LHFPL6: variants seen among roughly 807,000 people sequenced by gnomAD.
LHFPL6 encodes the protein LHFPL tetraspan subfamily member 6, also known as LHFPL tetraspan subfamily member 6 protein.
Under a neutral mutation model 20.6 loss-of-function variants are expected in LHFPL6, and 9 were observed. The ratio of observed to expected loss-of-function variants is 0.44; its 90% CI spans 0.26 to 0.76. The LOEUF (loss-of-function observed/expected upper bound fraction) is 0.76. LHFPL6 is among the 30% of genes least tolerant of loss of function. The pLI is 0.20. For synonymous variants in LHFPL6, 105 were observed against 98.7 expected (o/e 1.06, Z -0.38); for missense variants, 218 against 253.5 (o/e 0.86, Z 0.95).
Position 39,565,053 on chromosome 13 carries a change from G to A in LHFPL6, c.385+35779C>T, listed in dbSNP as rs1046265209. Among the ~76,000 whole-genome samples, 62 of 152,162 alleles carry A rather than the reference G, an allele frequency of 4.1e-4. 4 individuals carry two copies. Among genetic ancestry groups the A allele is most frequent in the Non-Finnish European group, 4.4e-5 (3 of 68,030 alleles). ...TCTCTTCTACATTCCAATGCTCTAAGAATGGAAGACCGATCTCCAAAGATC... is the reference window on the plus strand; with the variant it reads ...TCTCTTCTACATTCCAATGCTCTAAAAATGGAAGACCGATCTCCAAAGATC... On this transcript the variant is annotated intron_variant, in intron 2 of 3. Coordinates refer to ENST00000379589, the MANE Select transcript of LHFPL6 (RefSeq NM_005780.3).
chr13:39,400,996 C>T (rs1246360802), intron 2 of LHFPL6, among the ~76,000 whole-genome samples: 1 of 151,798 alleles, frequency 6.6e-6, no homozygotes, highest in Non-Finnish European at 1.5e-5. Flanking sequence ...TAATTGAAAC[C>T]ATAGAGCAAG....
chr13:39,563,859 T>C (rs1871624110), intron 2 of LHFPL6, among the ~76,000 whole-genome samples: 1 of 152,292 alleles, frequency 6.6e-6, no homozygotes, highest in African/African-American at 2.4e-5. Context: ...GTATGGCACG[T>C]TCCTTTTCTT....
intron 2 of LHFPL6, among the ~76,000 whole-genome samples, chr13:39,528,531 A>G (rs1489305621): frequency 6.6e-6 from 1 of 152,210 alleles, no homozygotes; most frequent in East Asian, 1.9e-4. Flanking sequence ...CCAGCTGCTA[A>G]AATAGGCCAG....
intron 2 of LHFPL6, among the ~76,000 whole-genome samples, chr13:39,469,471 C>G (rs776093541): frequency 6.6e-6 from 1 of 152,174 alleles, no homozygotes; most frequent in African/African-American, 2.4e-5. Flanking sequence ...ATATAGGCAG[C>G]TCCCCTGATG....
rs567546687 is a variant in LHFPL6, at chr13:39,511,831, C to A, written c.385+89001G>T. Among the ~76,000 whole-genome samples the A allele has an allele frequency of 9.8e-5, 15 of 152,286 alleles. No homozygotes were observed. The South Asian group carries it at 3.1e-3, about 32-fold the overall frequency. On this transcript the variant is annotated intron_variant, in intron 2 of 3. Coordinates refer to ENST00000379589, the MANE Select transcript of LHFPL6 (RefSeq NM_005780.3). ...AGGTATCTGCTTTGTGGAGCAAAAA[C>A]AAGTACAGAGCTATCCTTGAGAAAT...
intron 2 of LHFPL6, among the ~76,000 whole-genome samples, chr13:39,450,260 C>A (rs1374337799): frequency 6.6e-6 from 1 of 152,104 alleles, no homozygotes; most frequent in Non-Finnish European, 1.5e-5. Flanking sequence ...TCAAAACTGA[C>A]TAAAGCTTAA....
intron 2 of LHFPL6, among the ~76,000 whole-genome samples, chr13:39,383,697 G>A (rs1222705058): frequency 6.6e-6 from 1 of 152,196 alleles, no homozygotes; most frequent in East Asian, 1.9e-4. Flanking sequence ...GGTAGGGCTA[G>A]AGGTCAGGAA....
At chr13:39,468,803 T>C (rs1872867983) in intron 2 of LHFPL6, among the ~76,000 whole-genome samples, 1 of 151,906 alleles carries the variant, frequency 6.6e-6, no homozygotes, top group East Asian at 1.9e-4. Context: ...GAAAACTCAA[T>C]CTTGATTTCA....
At chr13:39,562,985 G>A (rs1871590642) in intron 2 of LHFPL6, among the ~76,000 whole-genome samples, 1 of 151,840 alleles carries the variant, frequency 6.6e-6, no homozygotes, top group Non-Finnish European at 1.5e-5. Context: ...AATATTTTAT[G>A]CAGAAAGCTG....
intron 2 of LHFPL6, among the ~76,000 whole-genome samples, chr13:39,507,721 T>C (rs1173985963): frequency 2.0e-5 from 3 of 152,146 alleles, no homozygotes; most frequent in Admixed American, 6.5e-5. Context: ...GAAAAATAGT[T>C]TTACCTACAG....
chr13:39,397,466 TC>T (rs1340299517), intron 2 of LHFPL6, among the ~76,000 whole-genome samples: 1 of 152,246 alleles, frequency 6.6e-6, no homozygotes, highest in Non-Finnish European at 1.5e-5. Context: ...AGCTGCATGA[TC>T]ATAATTTATA....
intron 2 of LHFPL6, among the ~76,000 whole-genome samples, chr13:39,460,127 C>A (rs1872656621): frequency 6.6e-6 from 1 of 152,100 alleles, no homozygotes; most frequent in Non-Finnish European, 1.5e-5. Flanking sequence ...TTGATCTCTG[C>A]AAATTAGCAA....
At chr13:39,538,287 G>A (rs1172557908) in intron 2 of LHFPL6, among the ~76,000 whole-genome samples, 1 of 151,504 alleles carries the variant, frequency 6.6e-6, no homozygotes, top group South Asian at 2.1e-4. Context: ...ACCACGCCCA[G>A]CCCATTTTTC....
chr13:39,370,827 T>C lies in LHFPL6; in HGVS notation c.484+7601A>G, dbSNP rs148694543. On this transcript the variant is annotated intron_variant, in intron 3 of 3. Transcript: ENST00000379589. ...TCATATTGAATGTCACAGAGACCAA[T>C]AGCAGGTTCTCTTGCTTGAGAAGCA... Among the ~76,000 whole-genome samples, 92 of 152,328 alleles carry C rather than the reference T, an allele frequency of 6.0e-4. No homozygotes were observed. In the East Asian group the frequency reaches 0.016, roughly 26 times the overall value.
Position 39,594,979 on chromosome 13 carries a change from A to AG in LHFPL6, c.385+5852dup, listed in dbSNP as rs534728460. On this transcript the variant is annotated intron_variant, in intron 2 of 3. Transcript: ENST00000379589. ...CCGGGGCCTATTGTGGGGTGGGTGG[A>AG]GGGAGGAGGGATAGCATTAGGAGAT... Among the ~76,000 whole-genome samples, 376 of 152,166 alleles carry AG rather than the reference A, an allele frequency of 2.5e-3. 3 individuals carry two copies. The highest frequency in any genetic ancestry group is 8.5e-3 in the African/African-American group (352 of 41,506).
chr13:39,549,698 G>A (rs984387239), intron 2 of LHFPL6, among the ~76,000 whole-genome samples: 2 of 151,986 alleles, frequency 1.3e-5, no homozygotes, highest in African/African-American at 2.4e-5. Context: ...AAGTTCACCC[G>A]AATCTTTCAA....
chr13:39,575,119 G>A (rs118170935), intron 2 of LHFPL6, among the ~76,000 whole-genome samples: 6 of 151,712 alleles, frequency 4.0e-5, no homozygotes, highest in African/African-American at 9.7e-5. Context: ...TCTATTCCCC[G>A]CCTGTCCCTC....
At chr13:39,535,381 G>A (rs1351647648) in intron 2 of LHFPL6, among the ~76,000 whole-genome samples, 2 of 152,136 alleles carry the variant, frequency 1.3e-5, no homozygotes, top group African/African-American at 4.8e-5. Flanking sequence ...CAGAGTGGCT[G>A]GGTGATCCCA....
chr13:39,586,137 T>C (rs377526029), intron 2 of LHFPL6, among the ~76,000 whole-genome samples: 138 of 149,216 alleles, frequency 9.2e-4, no homozygotes, highest in African/African-American at 3.1e-3. Context: ...GAAAATGAGA[T>C]GTATAAAATC....
Sources: gnomAD v4.1 joint callset for allele counts (sites outside exome capture counted in the v4.1 genomes callset) on GRCh38, gnomAD v4.1.1 for gene constraint, MANE v1.5 for transcripts, NCBI Gene and HGNC (gene_info 2026-07-23, HGNC 2026-07-21) for gene names.